Variants in SEPTIN7 observed in about 807,000 individuals in gnomAD.
SEPTIN7 encodes septin 7.
Under a neutral mutation model 63.3 loss-of-function variants are expected in SEPTIN7, and 10 were observed. The ratio of observed to expected loss-of-function variants is 0.16; its 90% CI spans 0.10 to 0.27. The LOEUF (loss-of-function observed/expected upper bound fraction) is 0.27, where lower values mean the gene tolerates loss of function less well. Among genes scored for constraint, SEPTIN7 ranks in the 10% least tolerant of loss-of-function variants. The pLI is 1.00. For missense variants in SEPTIN7, 310 were observed against 521.0 expected, an observed-to-expected ratio of 0.59 and a Z score of 3.94; for synonymous variants, 131 against 165.3, an observed-to-expected ratio of 0.79 and a Z score of 1.59.
rs1462338494 is a variant in SEPTIN7 at position 35,904,366 on chromosome 7, G to A, written c.*73G>A. 30 of 1,272,282 alleles carry A rather than the reference G, an allele frequency of 2.4e-5. No individual in the cohort carries two copies. In the East Asian group the frequency reaches 3.2e-4, roughly 14 times the overall value. 78.8% of individuals were successfully genotyped at this position (1,272,282 alleles called of 1,614,324 possible). A position where few individuals can be genotyped will look rare whatever the true frequency, so the allele number is the denominator to read the frequency against. On this transcript the variant is annotated 3_prime_UTR_variant, in exon 14 of 14. Coordinates refer to ENST00000350320, the MANE Select transcript of SEPTIN7 (RefSeq NM_001788.6). ...TTGGACATCAGTGTTTGTTGGATCC[G>A]TTTGACCAATTTGCACCAGTTTTAT...
chr7:35,826,955 C>T (rs1029395061), intron 1 of SEPTIN7, among the ~76,000 whole-genome samples: 3 of 152,142 alleles, frequency 2.0e-5, no homozygotes, highest in Non-Finnish European at 2.9e-5. Flanking sequence ...TTGTTTGAAG[C>T]GTGCTGTTAC....
chr7:35,817,655 T>G (rs2115764029), intron 1 of SEPTIN7, among the ~76,000 whole-genome samples: 2 of 152,234 alleles, frequency 1.3e-5, no homozygotes, highest in East Asian at 3.9e-4. Flanking sequence ...CAGTATTAAG[T>G]CTTCCACTCC....
chr7:35,858,798 A>C (rs1021984744), intron 3 of SEPTIN7, among the ~76,000 whole-genome samples: 2 of 150,456 alleles, frequency 1.3e-5, no homozygotes, highest in African/African-American at 4.9e-5. Flanking sequence ...CTCCTGCCTC[A>C]GCCTCCCAAG....
intron 6 of SEPTIN7, among the ~76,000 whole-genome samples, chr7:35,874,404 G>A (rs1296245476): frequency 6.6e-6 from 1 of 151,408 alleles, no homozygotes; most frequent in South Asian, 2.1e-4. Flanking sequence ...TTTGTTTTTT[G>A]TACTTCTGCT....
chr7:35,891,189 G>A lies in SEPTIN7; in HGVS notation c.998+396G>A, dbSNP rs573503557. Among the ~76,000 whole-genome samples the A allele has an allele frequency of 1.9e-3, 290 of 152,268 alleles. 1 individual carries two copies. Among genetic ancestry groups the A allele is most frequent in the African/African-American group, 6.7e-3 (277 of 41,560 alleles). ...TGTTGAGCTTATATCTCAAGCTGTG[G>A]TGGTTTCATGTTGGGTTCGAAAAAA... On this transcript the variant is annotated intron_variant, in intron 11 of 13. Transcript: ENST00000350320.
chr7:35,897,871 T>C (rs1202058203), intron 11 of SEPTIN7, among the ~76,000 whole-genome samples: 2 of 152,174 alleles, frequency 1.3e-5, no homozygotes, highest in Admixed American at 6.5e-5. Context: ...AAAAATATTC[T>C]ACATATGTTA....
At chr7:35,872,345 T>C (rs1269294812) in intron 4 of SEPTIN7, among the ~76,000 whole-genome samples, 1 of 152,222 alleles carries the variant, frequency 6.6e-6, no homozygotes, top group Non-Finnish European at 1.5e-5. Context: ...ATTTAAGTTA[T>C]ATAAGTATTA....
intron 4 of SEPTIN7, among the ~76,000 whole-genome samples, chr7:35,864,550 GA>G (rs199832400): frequency 0.015 from 2,300 of 151,038 alleles, 24 homozygotes; most frequent in Non-Finnish European, 0.023. Context: ...ACTGAGCATG[GA>G]AAAAAAAATC....
Position 35,902,935 on chromosome 7 carries a change from A to G in SEPTIN7, c.1135-141A>G, listed in dbSNP as rs1435439020. ...AGGAGGAGGAGTCCTTGACCAGAGT[A>G]CTTCCAGGTAGTACTCTGAATTTAC... On this transcript the variant is annotated intron_variant, in intron 12 of 13. Coordinates refer to ENST00000350320, the MANE Select transcript of SEPTIN7 (RefSeq NM_001788.6). 4.8e-5 allele frequency: 60 copies of G among 1,239,286 alleles called. No homozygotes were observed. In the African/African-American group the frequency reaches 8.0e-4, roughly 16 times the overall value. The allele number at this position is 1,239,286 out of a possible 1,614,324, so 76.8% of individuals were successfully genotyped here. A position where few individuals can be genotyped will look rare whatever the true frequency, so the allele number is the denominator to read the frequency against.
At chr7:35,832,123 G>A (rs1196806557) in intron 2 of SEPTIN7, 14 of 452,954 alleles carry the variant, frequency 3.1e-5, no homozygotes, top group Non-Finnish European at 5.8e-5. Context: ...GGTCATCTAG[G>A]AATAAAAAAC....
chr7:35,808,175 A>G (rs1788474292), intron 1 of SEPTIN7, among the ~76,000 whole-genome samples: 1 of 151,964 alleles, frequency 6.6e-6, no homozygotes, highest in East Asian at 1.9e-4. Context: ...TTCAAAATTC[A>G]AAAGGTTAAA....
chr7:35,808,236 G>C (rs1788480714), intron 1 of SEPTIN7, among the ~76,000 whole-genome samples: 1 of 152,134 alleles, frequency 6.6e-6, no homozygotes, highest in African/African-American at 2.4e-5. Flanking sequence ...AAGTCACCCA[G>C]TTTCCTAGTC....
downstream of SEPTIN7, among the ~76,000 whole-genome samples, chr7:35,909,369 G>C (rs745882342): frequency 5.3e-5 from 8 of 152,138 alleles, no homozygotes; most frequent in Non-Finnish European, 1.0e-4. Context: ...CTAAGAGTCA[G>C]GTGCTTTGGA....
chr7:35,820,882 G>A (rs879668354), intron 1 of SEPTIN7, among the ~76,000 whole-genome samples: 3 of 152,116 alleles, frequency 2.0e-5, no homozygotes, highest in Admixed American at 6.5e-5. Flanking sequence ...GTTGCTTTTT[G>A]TTATTTGCTT....
intron 1 of SEPTIN7, among the ~76,000 whole-genome samples, chr7:35,810,805 C>T (rs1253300089): frequency 2.0e-5 from 3 of 150,782 alleles, no homozygotes; most frequent in East Asian, 1.9e-4. Context: ...CTCGCTCTGT[C>T]GCCCAGGCTG....
chr7:35,837,600 T>TTG (rs1433981603), intron 3 of SEPTIN7, among the ~76,000 whole-genome samples: 5 of 152,228 alleles, frequency 3.3e-5, no homozygotes, highest in Non-Finnish European at 7.3e-5. Context: ...CTAAAACAAG[T>TTG]TGTGTACCAT....
At chr7:35,893,419 G>A (rs1343182230) in intron 11 of SEPTIN7, among the ~76,000 whole-genome samples, 1 of 152,104 alleles carries the variant, frequency 6.6e-6, no homozygotes, top group Non-Finnish European at 1.5e-5. Flanking sequence ...GTTAGACATT[G>A]AATAGTAAAA....
At chr7:35,824,026 T>C (rs541661592) in intron 1 of SEPTIN7, among the ~76,000 whole-genome samples, 2 of 151,914 alleles carry the variant, frequency 1.3e-5, no homozygotes, top group African/African-American at 4.8e-5. Flanking sequence ...TTTTTTTAAG[T>C]GCTTAAAACT....
intron 12 of SEPTIN7, 158 bp downstream of exon 12, chr7:35,898,541 G>A (rs1479912551): frequency 2.5e-5 from 13 of 527,248 alleles, no homozygotes; most frequent in East Asian, 1.4e-4. Context: ...AGCAAGCACC[G>A]TGTTTATAAT....
Sources: allele counts gnomAD v4.1 joint callset (sites outside exome capture counted in the v4.1 genomes callset), GRCh38; gene constraint gnomAD v4.1.1; transcripts MANE v1.5; gene names NCBI Gene and HGNC (gene_info 2026-07-23, HGNC 2026-07-21).